Variants in CENPW observed in about 807,000 individuals in gnomAD.
CENPW encodes the protein centromere protein W.
Under a neutral mutation model 11.1 loss-of-function variants are expected in CENPW, and 3 were observed. The observed-to-expected ratio is 0.27, with a 90% CI of 0.12 to 0.70. CENPW has a LOEUF of 0.70. Ranked by LOEUF, CENPW falls within the 30% of genes least tolerant of loss-of-function variation. CENPW has a pLI of 0.77. For synonymous variants in CENPW, 38 were observed against 42.0 expected (o/e 0.91, Z 0.37); for missense variants, 100 against 105.6 (o/e 0.95, Z 0.23).
At chr6:126,397,770 T>C in the CENPW span, among the ~76,000 whole-genome samples, 1 of 152,172 alleles carries the variant, frequency 6.6e-6, no homozygotes, top group Admixed American at 6.6e-5. Flanking sequence ...ATTATCAAAC[T>C]TATCTCATTA....
the CENPW span, among the ~76,000 whole-genome samples, chr6:126,388,648 C>T: frequency 6.6e-6 from 1 of 151,880 alleles, no homozygotes; most frequent in Non-Finnish European, 1.5e-5. Flanking sequence ...ACGTTGCTTA[C>T]TTGGTTGATG....
the CENPW span, among the ~76,000 whole-genome samples, chr6:126,356,446 G>A: frequency 6.6e-6 from 1 of 152,146 alleles, no homozygotes; most frequent in Non-Finnish European, 1.5e-5. Context: ...TATCAAAGAT[G>A]CCAAAATAAA....
the CENPW span, among the ~76,000 whole-genome samples, chr6:126,457,876 T>A: frequency 2.6e-5 from 4 of 151,300 alleles, no homozygotes; most frequent in Non-Finnish European, 5.9e-5. Context: ...ATAGTCCCCC[T>A]CATGGTAGAA....
chr6:126,418,309 C>T, the CENPW span, among the ~76,000 whole-genome samples: 20 of 152,188 alleles, frequency 1.3e-4, no homozygotes, highest in Admixed American at 6.5e-4. Context: ...CTCATAGCAG[C>T]GTTATTCATA....
the CENPW span, among the ~76,000 whole-genome samples, chr6:126,459,875 C>T: frequency 1.3e-4 from 19 of 151,530 alleles, no homozygotes; most frequent in African/African-American, 4.6e-4. Flanking sequence ...GTATTAACAA[C>T]TGTTACATGT....
the CENPW span, among the ~76,000 whole-genome samples, chr6:126,448,812 C>T: frequency 6.6e-6 from 1 of 151,150 alleles, no homozygotes; most frequent in East Asian, 2.0e-4. Context: ...ACCAAAAAAA[C>T]AGAAATAAAA....
chr6:126,450,738 A>G, the CENPW span, among the ~76,000 whole-genome samples: 3 of 151,020 alleles, frequency 2.0e-5, no homozygotes, highest in Non-Finnish European at 3.0e-5. Context: ...AGAATGTTAT[A>G]TATTAATTTA....
the CENPW span, among the ~76,000 whole-genome samples, chr6:126,437,198 A>G: frequency 6.6e-6 from 1 of 151,960 alleles, no homozygotes; most frequent in Non-Finnish European, 1.5e-5. Flanking sequence ...TTTCTTAAAC[A>G]AATGTGTTTA....
the CENPW span, among the ~76,000 whole-genome samples, chr6:126,473,884 A>T: frequency 6.8e-6 from 1 of 147,802 alleles, no homozygotes; most frequent in Non-Finnish European, 1.5e-5. Flanking sequence ...TAGAATATAT[A>T]TGCACAGCAT....
the CENPW span, among the ~76,000 whole-genome samples, chr6:126,380,176 C>T: frequency 6.6e-6 from 1 of 152,150 alleles, no homozygotes; most frequent in Admixed American, 6.5e-5. Context: ...GAGTGGGAAC[C>T]AAAGTCCAAG....
the CENPW span, among the ~76,000 whole-genome samples, chr6:126,460,024 G>C: frequency 6.6e-6 from 1 of 150,980 alleles, no homozygotes; most frequent in Non-Finnish European, 1.5e-5. Flanking sequence ...TTTTTAATAA[G>C]CAAAGATGCA....
At chr6:126,357,154 C>T in the CENPW span, among the ~76,000 whole-genome samples, 1 of 150,548 alleles carries the variant, frequency 6.6e-6, no homozygotes, top group East Asian at 2.1e-4. Flanking sequence ...CTGCATATGG[C>T]TAGCCAGTTA....
the CENPW span, among the ~76,000 whole-genome samples, chr6:126,363,459 A>G: frequency 6.6e-6 from 1 of 152,254 alleles, no homozygotes; most frequent in Admixed American, 6.5e-5. Context: ...AGATGAAGAC[A>G]CATTGCCAGC....
the CENPW span, among the ~76,000 whole-genome samples, chr6:126,460,305 A>T: frequency 6.6e-6 from 1 of 151,718 alleles, no homozygotes; most frequent in African/African-American, 2.4e-5. Context: ...TAATGTAACC[A>T]ATATTGTTCA....
chr6:126,408,367 G>A, the CENPW span, among the ~76,000 whole-genome samples: 1 of 152,148 alleles, frequency 6.6e-6, no homozygotes, highest in Non-Finnish European at 1.5e-5. Flanking sequence ...CATGCTGGCA[G>A]ACAAGAGAAT....
the CENPW span, among the ~76,000 whole-genome samples, chr6:126,447,602 G>C: frequency 1.3e-5 from 2 of 151,152 alleles, no homozygotes; most frequent in Non-Finnish European, 3.0e-5. Flanking sequence ...AGTTCTTCCA[G>C]GTATGATGTC....
the CENPW span, among the ~76,000 whole-genome samples, chr6:126,387,537 A>T: frequency 6.6e-6 from 1 of 151,980 alleles, no homozygotes; most frequent in East Asian, 1.9e-4. Context: ...CTGAAGACAG[A>T]AAAGAAACAC....
the CENPW span, among the ~76,000 whole-genome samples, chr6:126,382,815 G>A: frequency 2.6e-5 from 4 of 152,152 alleles, no homozygotes. Context: ...ACTCCTTTGT[G>A]CCTCTGAAAG....
chr6:126,395,697 G>C, the CENPW span, among the ~76,000 whole-genome samples: 1 of 152,214 alleles, frequency 6.6e-6, no homozygotes, highest in East Asian at 1.9e-4. Context: ...GACTTTCCAG[G>C]TATTCAAAGG....
Sources: gnomAD v4.1 joint callset for allele counts (sites outside exome capture counted in the v4.1 genomes callset) on GRCh38, gnomAD v4.1.1 for gene constraint, MANE v1.5 for transcripts, NCBI Gene and HGNC (gene_info 2026-07-23, HGNC 2026-07-21) for gene names.